Variants in GMDS observed in about 807,000 individuals in gnomAD.
GMDS encodes GDP-mannose 4,6 dehydratase.
GMDS carries 20 observed loss-of-function variants against 49.9 expected under a neutral mutation model. The ratio of observed to expected loss-of-function variants is 0.40; its 90% CI spans 0.28 to 0.58. GMDS has a LOEUF of 0.58. Among genes scored for constraint, GMDS ranks in the 20% least tolerant of loss-of-function variants. GMDS has a pLI of 0.42. For synonymous variants in GMDS, 177 were observed against 178.6 expected (o/e 0.99, Z 0.07); for missense variants, 362 against 481.4 (o/e 0.75, Z 2.32).
Position 1,699,143 on chromosome 6 carries a change from C to A in GMDS, c.987+27273G>T, listed in dbSNP as rs549769699. 5.3e-5 allele frequency among the ~76,000 whole-genome samples: 8 copies of A among 152,128 alleles called. No homozygotes were observed. The South Asian group carries it at 8.3e-4, about 16-fold the overall frequency. On this transcript the variant is annotated intron_variant, in intron 9 of 10. Coordinates refer to ENST00000380815, the MANE Select transcript of GMDS (RefSeq NM_001500.4). ...GGAGTGAGGGGCTGCCAGAGCCACA[C>A]GGTGTAGCCTTCTGTCCCCCATGGA...
At chr6:1,882,644 A>G (rs1221060312) in intron 7 of GMDS, among the ~76,000 whole-genome samples, 10 of 152,226 alleles carry the variant, frequency 6.6e-5, no homozygotes, top group Non-Finnish European at 1.3e-4. Context: ...CGTCATAAGC[A>G]GTGTCTAGCA....
chr6:2,010,257 G>A (rs971752888), intron 4 of GMDS, among the ~76,000 whole-genome samples: 2 of 151,282 alleles, frequency 1.3e-5, no homozygotes, highest in African/African-American at 4.9e-5. Flanking sequence ...AACCCGAGAG[G>A]CAGAGGTTGC....
intron 1 of GMDS, among the ~76,000 whole-genome samples, chr6:2,173,969 T>C (rs532113304): frequency 3.9e-5 from 6 of 152,296 alleles, no homozygotes; most frequent in African/African-American, 1.4e-4. Context: ...CCAAAGGCCA[T>C]ATAACTAGAA....
In GMDS at chr6:2,068,858, T is replaced by C. The variant is rs9503090; in HGVS notation, c.345+46913A>G. The stretch of plus-strand genomic sequence containing the variant: ...CATACTGCCCAAGGTAATTTACAGA[T>C]TCAATGCCATCCCCATCAAGCTACC... On this transcript the variant is annotated intron_variant, in intron 4 of 10. Coordinates refer to ENST00000380815, the MANE Select transcript of GMDS (RefSeq NM_001500.4). Among the ~76,000 whole-genome samples the C allele has an allele frequency of 7.2e-3, 1,094 of 152,150 alleles. 16 individuals are homozygous for C. Among genetic ancestry groups the C allele is most frequent in the African/African-American group, 0.025 (1,039 of 41,490 alleles).
chr6:2,132,866 T>G (rs1396177545), intron 1 of GMDS, among the ~76,000 whole-genome samples: 1 of 152,222 alleles, frequency 6.6e-6, no homozygotes, highest in Non-Finnish European at 1.5e-5. Context: ...GGGTTCCAAA[T>G]ACATTAATAA....
At chr6:1,750,768 T>C (rs4959608) in intron 7 of GMDS, among the ~76,000 whole-genome samples, 63,054 of 151,888 alleles carry the variant, frequency 0.42, 13,679 homozygotes, top group East Asian at 0.59. Flanking sequence ...GGAGCCAAGT[T>C]GTCTTGCTCA....
intron 7 of GMDS, among the ~76,000 whole-genome samples, chr6:1,868,560 G>A (rs1226168074): frequency 6.6e-6 from 1 of 152,140 alleles, no homozygotes; most frequent in Non-Finnish European, 1.5e-5. Flanking sequence ...AGGTAGGCGT[G>A]TCTATATTTC....
intron 7 of GMDS, among the ~76,000 whole-genome samples, chr6:1,759,624 T>C (rs569081542): frequency 7.5e-4 from 114 of 152,340 alleles, no homozygotes; most frequent in African/African-American, 2.6e-3. Context: ...AGTCTGGCGA[T>C]AGACCACGTA....
At chr6:1,770,539 G>A (rs1469793815) in intron 7 of GMDS, among the ~76,000 whole-genome samples, 1 of 152,238 alleles carries the variant, frequency 6.6e-6, no homozygotes, top group African/African-American at 2.4e-5. Flanking sequence ...TGGTGATTTG[G>A]AGTCCCTGCC....
At chr6:1,955,389 A>C (rs1476176266) in intron 6 of GMDS, among the ~76,000 whole-genome samples, 1 of 152,230 alleles carries the variant, frequency 6.6e-6, no homozygotes, top group African/African-American at 2.4e-5. Flanking sequence ...ATGTCTGTGA[A>C]TATCAGTATA....
At chr6:2,186,230 G>A (rs933649280) in intron 1 of GMDS, among the ~76,000 whole-genome samples, 5 of 152,150 alleles carry the variant, frequency 3.3e-5, no homozygotes, top group African/African-American at 7.2e-5. Context: ...TATGCGGACC[G>A]CTGCAATGTT....
At chr6:1,767,349 G>A (rs1768400144) in intron 7 of GMDS, among the ~76,000 whole-genome samples, 1 of 151,980 alleles carries the variant, frequency 6.6e-6, no homozygotes, top group Admixed American at 6.5e-5. Flanking sequence ...TTATTATTTG[G>A]GAAATAAAAA....
chr6:2,129,755 A>G (rs1163248989), intron 1 of GMDS, among the ~76,000 whole-genome samples: 3 of 152,220 alleles, frequency 2.0e-5, no homozygotes, highest in African/African-American at 7.2e-5. Context: ...ATGATTAACA[A>G]ATGATGCTGT....
intron 1 of GMDS, among the ~76,000 whole-genome samples, chr6:2,222,015 A>G (rs1309065847): frequency 6.6e-6 from 1 of 152,188 alleles, no homozygotes; most frequent in Non-Finnish European, 1.5e-5. Flanking sequence ...ATTAAACAGT[A>G]ATTCTACCTA....
At chr6:2,122,404 G>C (rs1258539444) in intron 2 of GMDS, among the ~76,000 whole-genome samples, 3 of 152,074 alleles carry the variant, frequency 2.0e-5, no homozygotes, top group Admixed American at 1.3e-4. Flanking sequence ...TGCTGATGTT[G>C]ACCACCACCA....
chr6:1,952,680 G>T (rs1274355479), intron 6 of GMDS, among the ~76,000 whole-genome samples: 15 of 152,002 alleles, frequency 9.9e-5, no homozygotes, highest in Admixed American at 6.5e-4. Context: ...AGAGACAGAG[G>T]AGCAAAGTTA....
Position 1,828,118 on chromosome 6 carries a change from G to T in GMDS, c.772-85532C>A, listed in dbSNP as rs550273574. 2.0e-4 allele frequency among the ~76,000 whole-genome samples: 31 copies of T among 152,100 alleles called. No individual in the cohort carries two copies. In the South Asian group the frequency reaches 4.8e-3, roughly 23 times the overall value. On this transcript the variant is annotated intron_variant, in intron 7 of 10. Coordinates refer to ENST00000380815, the MANE Select transcript of GMDS (RefSeq NM_001500.4). The stretch of plus-strand genomic sequence containing the variant: ...AGAAATTTTAAAAAAGAAACCAAAA[G>T]AAATTCTGGAGCTGGAAAGTATAAT...
At chr6:2,132,854 C>G (rs1003026166) in intron 1 of GMDS, among the ~76,000 whole-genome samples, 4 of 152,228 alleles carry the variant, frequency 2.6e-5, no homozygotes, top group African/African-American at 9.6e-5. Context: ...TTTTTAGAAC[C>G]AGGGTTCCAA....
At chr6:1,636,041 G>A (rs1763136821) in intron 9 of GMDS, among the ~76,000 whole-genome samples, 1 of 152,180 alleles carries the variant, frequency 6.6e-6, no homozygotes, top group Non-Finnish European at 1.5e-5. Context: ...CGACAGAAAA[G>A]AGACATTCCC....
Sources: gnomAD v4.1 joint callset for allele counts (sites outside exome capture counted in the v4.1 genomes callset) on GRCh38, gnomAD v4.1.1 for gene constraint, MANE v1.5 for transcripts, NCBI Gene and HGNC (gene_info 2026-07-23, HGNC 2026-07-21) for gene names.